The following SKAP2 variants were observed in gnomAD, a reference collection of about 807,000 sequenced individuals.
SKAP2 encodes the protein src kinase-associated phosphoprotein 2.
In SKAP2, 28 loss-of-function variants were observed where a neutral mutation model predicts 54.9. The observed-to-expected ratio is 0.51, with a 90% CI of 0.38 to 0.70. The LOEUF (loss-of-function observed/expected upper bound fraction) is 0.70, where lower values mean the gene tolerates loss of function less well. Among genes scored for constraint, SKAP2 ranks in the 30% least tolerant of loss-of-function variants. The probability of loss-of-function intolerance (pLI) is 0.00; values close to 1 mark genes in which losing one functional copy is unlikely to be tolerated. For synonymous variants in SKAP2, 137 were observed against 134.3 expected, an observed-to-expected ratio of 1.02 and a Z score of -0.14; for missense variants, 356 against 424.1, an observed-to-expected ratio of 0.84 and a Z score of 1.41.
At chr7:26,794,315 C>T (rs1215205653) in intron 4 of SKAP2, among the ~76,000 whole-genome samples, 1 of 152,192 alleles carries the variant, frequency 6.6e-6, no homozygotes, top group African/African-American at 2.4e-5. Flanking sequence ...ATAACTTAAG[C>T]ATGCCCTGAG....
At chr7:26,782,825 A>T (rs1214508424) in intron 4 of SKAP2, among the ~76,000 whole-genome samples, 1 of 152,194 alleles carries the variant, frequency 6.6e-6, no homozygotes, top group Non-Finnish European at 1.5e-5. Context: ...GGCACATAGA[A>T]GGCACCATTT....
intron 9 of SKAP2, among the ~76,000 whole-genome samples, chr7:26,712,019 G>A (rs1787319504): frequency 6.6e-6 from 1 of 152,134 alleles, no homozygotes; most frequent in Admixed American, 6.6e-5. Context: ...TCAATGATGG[G>A]TTTGAGGGTT....
At chr7:26,835,841 C>A (rs1474408207) in intron 4 of SKAP2, among the ~76,000 whole-genome samples, 1 of 152,166 alleles carries the variant, frequency 6.6e-6, no homozygotes, top group Admixed American at 6.5e-5. Context: ...GAAAAAACTA[C>A]TTTAAATTTC....
At chr7:26,792,332 G>T (rs1783688047) in intron 4 of SKAP2, among the ~76,000 whole-genome samples, 1 of 152,064 alleles carries the variant, frequency 6.6e-6, no homozygotes, top group African/African-American at 2.4e-5. Flanking sequence ...TTTAAAGGAT[G>T]AATTTTATTG....
chr7:26,800,999 G>C (rs1380945463), intron 4 of SKAP2, among the ~76,000 whole-genome samples: 1 of 151,780 alleles, frequency 6.6e-6, no homozygotes, highest in Non-Finnish European at 1.5e-5. Context: ...ATTCTACAAG[G>C]CCAGTATTAC....
chr7:26,727,502 C>A (rs1224434502), intron 6 of SKAP2, among the ~76,000 whole-genome samples: 2 of 151,960 alleles, frequency 1.3e-5, no homozygotes, highest in Non-Finnish European at 2.9e-5. Flanking sequence ...TTATCTCTAA[C>A]CTTACAAAGC....
intron 4 of SKAP2, among the ~76,000 whole-genome samples, chr7:26,817,428 T>C (rs567915030): frequency 1.3e-5 from 2 of 151,926 alleles, no homozygotes; most frequent in South Asian, 4.2e-4. Context: ...AGAAAAAAAA[T>C]TGGGGAACAA....
At chr7:26,758,334 T>C (rs1782847021) in intron 4 of SKAP2, among the ~76,000 whole-genome samples, 1 of 152,220 alleles carries the variant, frequency 6.6e-6, no homozygotes, top group Non-Finnish European at 1.5e-5. Context: ...AGTCGATTTA[T>C]ATTATTAAAA....
intron 4 of SKAP2, among the ~76,000 whole-genome samples, chr7:26,759,514 A>G (rs1197029601): frequency 1.3e-5 from 2 of 152,162 alleles, no homozygotes; most frequent in Non-Finnish European, 2.9e-5. Context: ...ATGGCAGATT[A>G]ATACATCTCC....
At chr7:26,803,881 A>T (rs1212403380) in intron 4 of SKAP2, among the ~76,000 whole-genome samples, 1 of 152,250 alleles carries the variant, frequency 6.6e-6, no homozygotes, top group African/African-American at 2.4e-5. Flanking sequence ...AAAGACAAAC[A>T]CTGCATGTTC....
At chr7:26,710,721 G>A (rs1373373040) in intron 9 of SKAP2, among the ~76,000 whole-genome samples, 1 of 152,184 alleles carries the variant, frequency 6.6e-6, no homozygotes, top group Non-Finnish European at 1.5e-5. Flanking sequence ...GGTCTGTGGT[G>A]AGCCATTCAA....
At chr7:26,755,827 A>G (rs1163562807) in intron 4 of SKAP2, among the ~76,000 whole-genome samples, 5 of 152,216 alleles carry the variant, frequency 3.3e-5, no homozygotes, top group Admixed American at 6.5e-5. Flanking sequence ...GCAAGAAGAG[A>G]TACTCGCATC....
chr7:26,673,195 T>G (rs1284239868), intron 11 of SKAP2, among the ~76,000 whole-genome samples: 2 of 152,048 alleles, frequency 1.3e-5, no homozygotes, highest in African/African-American at 4.8e-5. Flanking sequence ...CATCATGTAA[T>G]CTTTATGGAA....
At chr7:26,746,366 T>C (rs571349937) in intron 4 of SKAP2, among the ~76,000 whole-genome samples, 32 of 152,312 alleles carry the variant, frequency 2.1e-4, no homozygotes, top group African/African-American at 7.7e-4. Flanking sequence ...TGCAGACACT[T>C]TGTTTCTTAT....
chr7:26,792,975 A>G (rs1338749187), intron 4 of SKAP2, among the ~76,000 whole-genome samples: 3 of 152,230 alleles, frequency 2.0e-5, no homozygotes, highest in Admixed American at 2.0e-4. Context: ...AAAGAATGTA[A>G]TAAAGCTCTC....
chr7:26,857,321 A>AAAAAAAAAAAAAAAAC (rs1785187658), intron 1 of SKAP2: 1 of 240,960 alleles, frequency 4.2e-6, no homozygotes, highest in Non-Finnish European at 6.6e-6. Context: ...AAAAAAAAAA[A>AAAAAAAAAAAAAAAAC]AAAAAAAAAA....
chr7:26,725,635 A>T, intron 8 of SKAP2, 70 bp from the exon 9 acceptor site: 1 of 1,351,432 alleles, frequency 7.4e-7, no homozygotes, highest in Non-Finnish European at 1.0e-6. Context: ...ATACTTTATA[A>T]ATAAATGCAG....
chr7:26,734,812 C>G (rs536578490), intron 6 of SKAP2, among the ~76,000 whole-genome samples: 17 of 152,276 alleles, frequency 1.1e-4, no homozygotes, highest in South Asian at 1.0e-3. Flanking sequence ...GTAAAGCCCT[C>G]ATGCCTTAAT....
chr7:26,822,542 T>C (rs572495976), intron 4 of SKAP2, among the ~76,000 whole-genome samples: 5 of 151,988 alleles, frequency 3.3e-5, no homozygotes, highest in Non-Finnish European at 7.4e-5. Context: ...GGCTTCCTTA[T>C]TCCCTGAAAC....
Sources: allele counts gnomAD v4.1 joint callset (sites outside exome capture counted in the v4.1 genomes callset), GRCh38; gene constraint gnomAD v4.1.1; transcripts MANE v1.5; gene names NCBI Gene and HGNC (gene_info 2026-07-23, HGNC 2026-07-21).